Variants in ATXN7L1 observed in about 807,000 individuals in gnomAD.
The protein encoded by ATXN7L1 is ataxin 7 like 1.
In ATXN7L1, 15 loss-of-function variants were observed where a neutral mutation model predicts 70.8. The observed-to-expected ratio is 0.21, with a 90% CI of 0.14 to 0.33. ATXN7L1 has a LOEUF of 0.33. Ranked by LOEUF, ATXN7L1 falls within the 10% of genes least tolerant of loss-of-function variation. ATXN7L1 has a pLI of 1.00. For synonymous variants in ATXN7L1, 440 were observed against 445.1 expected, an observed-to-expected ratio of 0.99 and a Z score of 0.14; for missense variants, 975 against 1,097.1, an observed-to-expected ratio of 0.89 and a Z score of 1.57.
rs910434954 is a variant in ATXN7L1, at chr7:105,667,669, A to G, written c.356-2381T>C. On this transcript the variant is annotated intron_variant, in intron 3 of 11. Coordinates refer to ENST00000419735, the MANE Select transcript of ATXN7L1 (RefSeq NM_020725.2). ...AGCCGAGATCCCGCCACTGCACTCC[A>G]GCCTGGGCGACAGAGCGAGACTCCG... Among the ~76,000 whole-genome samples the G allele has an allele frequency of 1.6e-4, 23 of 142,430 alleles. 2 individuals carry two copies. The highest frequency in any genetic ancestry group is 5.9e-4 in the African/African-American group (23 of 38,708). 93.4% of individuals were successfully genotyped at this position (142,430 alleles called of 152,430 possible).
At chr7:105,714,266 G>C (rs1794262657) in intron 3 of ATXN7L1, among the ~76,000 whole-genome samples, 1 of 152,236 alleles carries the variant, frequency 6.6e-6, no homozygotes, top group Non-Finnish European at 1.5e-5. Flanking sequence ...CACTAGGGCA[G>C]TGTTATTCCA....
intron 3 of ATXN7L1, among the ~76,000 whole-genome samples, chr7:105,675,456 C>T (rs956314599): frequency 2.0e-5 from 3 of 152,036 alleles, no homozygotes; most frequent in Admixed American, 1.3e-4. Flanking sequence ...AAGCCCGTCT[C>T]TACTAAAAAC....
At position 105,613,996 on chromosome 7, in the gene ATXN7L1, GCTT is replaced by G. The variant is rs1793460272; in HGVS notation, c.2335_2337del (p.Lys779del). The G allele has an allele frequency of 6.4e-7, 1 of 1,552,058 alleles. No individual in the cohort carries two copies. The highest frequency in any genetic ancestry group is 1.4e-5 in the African/African-American group (1 of 73,048). On this transcript the variant is annotated inframe_deletion, in exon 10 of 12. Transcript: ENST00000419735. ...TTGCTACTAGAACTCGAGTTCTTAC[GCTT>G]TTTTCCTTCTGATTTGTCAAAAGAG...
At chr7:105,608,276 C>T (rs565406853) in intron 11 of ATXN7L1, among the ~76,000 whole-genome samples, 1 of 152,312 alleles carries the variant, frequency 6.6e-6, no homozygotes, top group Admixed American at 6.5e-5. Flanking sequence ...AGGAAGGATT[C>T]TAGTGTTGGG....
rs541225324 is a variant in ATXN7L1 at position 105,808,320 on chromosome 7, A to G, written c.251-19612T>C. On this transcript the variant is annotated intron_variant, in intron 2 of 11. Coordinates refer to ENST00000419735, the MANE Select transcript of ATXN7L1 (RefSeq NM_020725.2). ...AAAGACTCTGAGGCAGCATTTCATCAAAGGGTGCTGGGAAGCACTGGGGAG... is the reference window on the plus strand; with the variant it reads ...AAAGACTCTGAGGCAGCATTTCATCGAAGGGTGCTGGGAAGCACTGGGGAG... 3.9e-5 allele frequency among the ~76,000 whole-genome samples: 6 copies of G among 152,322 alleles called. No individual in the cohort carries two copies. In the South Asian group the frequency reaches 1.2e-3, roughly 32 times the overall value.
intron 3 of ATXN7L1, among the ~76,000 whole-genome samples, chr7:105,751,843 C>T (rs1799251647): frequency 6.6e-6 from 1 of 152,216 alleles, no homozygotes; most frequent in African/African-American, 2.4e-5. Flanking sequence ...GACAGGGAGC[C>T]GTCAGCTCTG....
chr7:105,724,295 C>T (rs1029536660), intron 3 of ATXN7L1, among the ~76,000 whole-genome samples: 2 of 152,048 alleles, frequency 1.3e-5, no homozygotes, highest in African/African-American at 2.4e-5. Context: ...AAATTAGGGC[C>T]GGGCGCAGTG....
intron 5 of ATXN7L1, among the ~76,000 whole-genome samples, chr7:105,641,065 T>C (rs2115914165): frequency 6.6e-6 from 1 of 152,232 alleles, no homozygotes; most frequent in East Asian, 1.9e-4. Flanking sequence ...TTCAAAAGCT[T>C]TGAGGGTCAT....
At chr7:105,874,437 T>G (rs1363967084) in intron 2 of ATXN7L1, among the ~76,000 whole-genome samples, 2 of 152,220 alleles carry the variant, frequency 1.3e-5, no homozygotes, top group Admixed American at 6.5e-5. Flanking sequence ...TAGTGATGCT[T>G]CCCACTGCCA....
chr7:105,616,030 C>T (rs1016058479), intron 9 of ATXN7L1, among the ~76,000 whole-genome samples: 12 of 152,244 alleles, frequency 7.9e-5, no homozygotes, highest in Non-Finnish European at 1.5e-4. Flanking sequence ...ACATGGCCCT[C>T]GGGAGCCAGG....
At chr7:105,720,331 C>T (rs369642343) in intron 3 of ATXN7L1, among the ~76,000 whole-genome samples, 29 of 152,106 alleles carry the variant, frequency 1.9e-4, no homozygotes, top group South Asian at 6.2e-4. Flanking sequence ...GTCAGAAGTT[C>T]GAGACCAGTC....
chr7:105,770,092 T>C (rs984621105), intron 3 of ATXN7L1, among the ~76,000 whole-genome samples: 1 of 152,224 alleles, frequency 6.6e-6, no homozygotes, highest in African/African-American at 2.4e-5. Flanking sequence ...GACTGGTGCA[T>C]GTAGCAGGGA....
intron 3 of ATXN7L1, among the ~76,000 whole-genome samples, chr7:105,755,770 C>G (rs1373035767): frequency 6.6e-6 from 1 of 152,192 alleles, no homozygotes; most frequent in Non-Finnish European, 1.5e-5. Flanking sequence ...TACGTGAACC[C>G]TGAGTAGACT....
chr7:105,683,440 G>A (rs1035274172), intron 3 of ATXN7L1, among the ~76,000 whole-genome samples: 2 of 152,138 alleles, frequency 1.3e-5, no homozygotes, highest in African/African-American at 4.8e-5. Flanking sequence ...AGAACTTTGG[G>A]AGGCCAGGGT....
chr7:105,645,236 T>C (rs1798810297), intron 4 of ATXN7L1, among the ~76,000 whole-genome samples: 1 of 152,162 alleles, frequency 6.6e-6, no homozygotes, highest in African/African-American at 2.4e-5. Context: ...TTAAAAACGG[T>C]TAATATGGTA....
chr7:105,755,319 G>A (rs1469674467), intron 3 of ATXN7L1, among the ~76,000 whole-genome samples: 3 of 152,172 alleles, frequency 2.0e-5, no homozygotes, highest in Non-Finnish European at 4.4e-5. Flanking sequence ...ACTTTCAGGG[G>A]CAACAGGTAT....
At chr7:105,791,156 C>A (rs1027584167) in intron 2 of ATXN7L1, among the ~76,000 whole-genome samples, 3 of 152,210 alleles carry the variant, frequency 2.0e-5, no homozygotes, top group Admixed American at 6.5e-5. Flanking sequence ...AAAGAGTGGA[C>A]CAGGCCTGCC....
chr7:105,875,627 A>ACCCCTCC (rs1819054005), intron 2 of ATXN7L1, among the ~76,000 whole-genome samples, 185 bp downstream of exon 2: 1 of 94,778 alleles, frequency 1.1e-5, no homozygotes, highest in Non-Finnish European at 2.0e-5. Flanking sequence ...ACCCCCCTTT[A>ACCCCTCC]CCCCCCCCCC....
At chr7:105,622,700 G>A (rs1390183710) in intron 8 of ATXN7L1, among the ~76,000 whole-genome samples, 2 of 152,188 alleles carry the variant, frequency 1.3e-5, no homozygotes, top group Admixed American at 6.5e-5. Context: ...GAATTGATCC[G>A]GCGGGGGCAT....
Sources: allele counts gnomAD v4.1 joint callset (sites outside exome capture counted in the v4.1 genomes callset), GRCh38; gene constraint gnomAD v4.1.1; transcripts MANE v1.5; gene names NCBI Gene and HGNC (gene_info 2026-07-23, HGNC 2026-07-21).